FBXL3: variants seen among roughly 807,000 people sequenced by gnomAD.
FBXL3 encodes F-box and leucine rich repeat protein 3.
In FBXL3, 14 loss-of-function variants were observed where a neutral mutation model predicts 37.9. That is an observed-to-expected ratio of 0.37 (90% CI 0.24 to 0.58). FBXL3 has a LOEUF of 0.58. Ranked by LOEUF, FBXL3 falls within the 20% of genes least tolerant of loss-of-function variation. FBXL3 has a pLI of 0.74. For missense variants in FBXL3, 327 were observed against 511.1 expected, an observed-to-expected ratio of 0.64 and a Z score of 3.47; for synonymous variants, 194 against 180.1, an observed-to-expected ratio of 1.08 and a Z score of -0.62.
chr13:77,022,953 T>C (rs2034771606), intron 1 of FBXL3, among the ~76,000 whole-genome samples: 1 of 152,170 alleles, frequency 6.6e-6, no homozygotes, highest in African/African-American at 2.4e-5. Context: ...ATTAGTTTAA[T>C]AAAACAGGGT....
chr13:77,010,267 AAC>A (rs1338308534), intron 4 of FBXL3: 2 of 152,164 alleles, frequency 1.3e-5, no homozygotes, highest in Non-Finnish European at 2.9e-5. Context: ...ATTAAAAAAA[AAC>A]ACACAGACAT....
chr13:77,021,579 G>A lies in FBXL3; in HGVS notation c.282C>T (p.Thr94=). 1 of 1,614,084 alleles carries A rather than the reference G, an allele frequency of 6.2e-7. No homozygotes were observed. The highest frequency in any genetic ancestry group is 2.2e-5 in the East Asian group (1 of 44,878). The stretch of plus-strand genomic sequence containing the variant: ...TAATCTGTTTGATCAGCTCTGGATG[G>A]GTAGCTTTCAAATAAGATGTAGCTG... ...NQPATSYLKA[T]HPELIKQIIK... The change falls in exon 2 of 5, where the codon ACC becomes ACT. Residue 94 remains threonine (T), a synonymous_variant. Coordinates refer to ENST00000355619, the MANE Select transcript of FBXL3 (RefSeq NM_012158.4).
chr13:77,010,528 C>A (rs552009016), intron 4 of FBXL3: 12 of 152,266 alleles, frequency 7.9e-5, no homozygotes, highest in Admixed American at 2.0e-4. Context: ...TTTCCTCTGG[C>A]TGATTGCAGA....
chr13:77,012,612 GA>G (rs1197990669), intron 4 of FBXL3, among the ~76,000 whole-genome samples: 3 of 152,092 alleles, frequency 2.0e-5, no homozygotes, highest in African/African-American at 7.2e-5. Context: ...TATAGGAAAT[GA>G]AAGAAAATTG....
chr13:77,007,936 G>C, intron 4 of FBXL3, 148 bp from the exon 5 acceptor site: 1 of 584,370 alleles, frequency 1.7e-6, no homozygotes, highest in Non-Finnish European at 2.9e-6. Context: ...AATTAGAAGG[G>C]AAGTAACAAA....
rs372478392 is a variant in FBXL3 at position 77,015,394 on chromosome 13, A to C, written c.643+15T>G. ...GCATTTTACTAAAATGTGTCTAGCA[A>C]AAAACACAACATACCTGCTGGAGAG... On this transcript the variant is annotated intron_variant, in intron 4 of 4. Coordinates refer to ENST00000355619, the MANE Select transcript of FBXL3 (RefSeq NM_012158.4). 59 of 1,504,486 alleles carry C rather than the reference A, an allele frequency of 3.9e-5. No individual in the cohort carries two copies. Among genetic ancestry groups the C allele is most frequent in the Non-Finnish European group, 4.7e-5 (53 of 1,125,800 alleles). The allele number at this position is 1,504,486 out of a possible 1,614,324, so 93.2% of individuals were successfully genotyped here. A position where few individuals can be genotyped will look rare whatever the true frequency, so the allele number is the denominator to read the frequency against.
At chr13:77,022,707 A>G (rs1239293211) in intron 1 of FBXL3, among the ~76,000 whole-genome samples, 1 of 152,154 alleles carries the variant, frequency 6.6e-6, no homozygotes, top group Non-Finnish European at 1.5e-5. Context: ...TTAATATTGC[A>G]CTGTTTTCCC....
chr13:77,007,067 TATATC>T lies in FBXL3; in HGVS notation c.*73_*77del, dbSNP rs2034464691. 6.7e-7 allele frequency: 1 copy of T among 1,494,228 alleles called. No homozygotes were observed. Among genetic ancestry groups the T allele is most frequent in the Non-Finnish European group, 8.8e-7 (1 of 1,130,252 alleles). 92.6% of individuals were successfully genotyped at this position (1,494,228 alleles called of 1,614,324 possible). A position where few individuals can be genotyped will look rare whatever the true frequency, so the allele number is the denominator to read the frequency against. ...TTTCTGTGCCACAAAATAGTAGAAT[TATATC>T]AGAACTACAGCAAATAAAACTTTAA... is the stretch of plus-strand genomic sequence containing the variant. On this transcript the variant is annotated 3_prime_UTR_variant, in exon 5 of 5. Transcript: ENST00000355619.
Position 77,007,435 on chromosome 13 carries a change from T to C in FBXL3, c.997A>G (p.Arg333Gly). Residue 333 changes from arginine to glycine, a missense_variant, in exon 5 of 5, where the codon AGA becomes GGA. Physicochemically the swap from Arg to Gly is moderately radical, Grantham distance 125. Transcript: ENST00000355619. ...VLGRVGMTCP[R>G]LVELVVCANG... ...GCACACACTACTAGTTCAACCAGTC[T>C]AGGGCATGTCATTCCCACACGGCCA... The C allele has an allele frequency of 6.2e-7, 1 of 1,614,158 alleles. No homozygotes were observed. Among genetic ancestry groups the C allele is most frequent in the Non-Finnish European group, 8.5e-7 (1 of 1,180,012 alleles).
At chr13:77,024,201 T>C (rs1278820734) in intron 1 of FBXL3, among the ~76,000 whole-genome samples, 1 of 152,176 alleles carries the variant, frequency 6.6e-6, no homozygotes, top group Non-Finnish European at 1.5e-5. Context: ...TAATAATCCC[T>C]CACTAGAGGC....
rs746596303 is a variant in FBXL3 at position 77,021,700 on chromosome 13, A to T, written c.161T>A (p.Leu54His). 5.6e-6 allele frequency: 9 copies of T among 1,613,990 alleles called. No individual in the cohort carries two copies. The East Asian group carries it at 2.0e-4, about 36-fold the overall frequency. The change falls in exon 2 of 5, where the codon CTT becomes CAT. Residue 54 changes from leucine (L) to histidine (H), a missense_variant. Transcript: ENST00000355619. ...ILQVFKYLPL[L>H]DRAHASQVCR... ...AACTTGTGAAGCATGAGCCCGGTCA[A>T]GAAGAGGCAAATATTTAAATACTTG...
chr13:77,010,813 C>CT (rs1169262282), intron 4 of FBXL3: 2 of 152,222 alleles, frequency 1.3e-5, no homozygotes, highest in Admixed American at 6.5e-5. Flanking sequence ...TCCTCTCAGC[C>CT]TTTTAAGATT....
At chr13:77,021,403 C>A in intron 2 of FBXL3, 110 bp downstream of exon 2, 2 of 768,524 alleles carry the variant, frequency 2.6e-6, no homozygotes, top group Non-Finnish European at 4.0e-6. Context: ...AATTTTTAAG[C>A]ATTTTCCCTG....
chr13:77,013,240 G>A (rs530665390), intron 4 of FBXL3: 3 of 152,230 alleles, frequency 2.0e-5, no homozygotes, highest in South Asian at 2.1e-4. Flanking sequence ...GGCATAGGCC[G>A]AATTAACTTT....
At chr13:77,024,125 T>A (rs1017350613) in intron 1 of FBXL3, among the ~76,000 whole-genome samples, 2 of 152,230 alleles carry the variant, frequency 1.3e-5, no homozygotes, top group African/African-American at 4.8e-5. Flanking sequence ...GATTAGTTTT[T>A]TTTTAATAAG....
rs1185948111 is a variant in FBXL3 at position 77,007,694 on chromosome 13, A to G, written c.738T>C (p.Ser246=). Residue 246 remains serine (S), a synonymous_variant, in exon 5 of 5, where the codon TCT becomes TCC. Transcript: ENST00000355619. ...LSDELLLALS[S]EKHVRLEHLR... Reference sequence around the variant, plus strand: ...AATGTTCTAATCGAACATGTTTTTCAGAAGACAATGCAAGTAACAACTCAT... The same window carrying G: ...AATGTTCTAATCGAACATGTTTTTCGGAAGACAATGCAAGTAACAACTCAT... 1 of 1,614,064 alleles carries G rather than the reference A, an allele frequency of 6.2e-7. No individual in the cohort carries two copies. The highest frequency in any genetic ancestry group is 8.5e-7 in the Non-Finnish European group (1 of 1,180,030).
chr13:77,011,827 CAAAT>C (rs1468264320), intron 4 of FBXL3, among the ~76,000 whole-genome samples: 12 of 151,300 alleles, frequency 7.9e-5, no homozygotes, highest in Non-Finnish European at 1.2e-4. Flanking sequence ...ATCAAAAAGA[CAAAT>C]AAGTGTTAGA....
intron 2 of FBXL3, among the ~76,000 whole-genome samples, chr13:77,020,973 T>A (rs908773226): frequency 1.3e-5 from 2 of 152,224 alleles, no homozygotes; most frequent in African/African-American, 4.8e-5. Flanking sequence ...TGATTTCCAA[T>A]ACCTTCCTTC....
Position 77,007,559 on chromosome 13 carries a change from C to G in FBXL3, c.873G>C (p.Met291Ile). The G allele has an allele frequency of 6.2e-7, 1 of 1,614,102 alleles. No individual in the cohort carries two copies. Among genetic ancestry groups the G allele is most frequent in the Non-Finnish European group, 8.5e-7 (1 of 1,180,002 alleles). Residue 291 changes from methionine (M) to isoleucine (I), a missense_variant, in exon 5 of 5, where the codon ATG becomes ATC. By Grantham distance (10) the Met-to-Ile change is conservative. Transcript: ENST00000355619. The part of the protein sequence containing the change: ...IRHSPKVNLV[M>I]YFFLYEEEFD... ...ATTCTTCTTCATATAAAAAAAAATACATCACTAAGTTCACTTTGGGTGAAT... is the reference window on the plus strand; with the variant it reads ...ATTCTTCTTCATATAAAAAAAAATAGATCACTAAGTTCACTTTGGGTGAAT...
Sources: allele counts gnomAD v4.1 joint callset (sites outside exome capture counted in the v4.1 genomes callset), GRCh38; gene constraint gnomAD v4.1.1; transcripts MANE v1.5; gene names NCBI Gene and HGNC (gene_info 2026-07-23, HGNC 2026-07-21).